The following RALYL variants were observed in gnomAD, a reference collection of about 807,000 sequenced individuals.
RALYL encodes the protein RNA-binding Raly-like protein.
In RALYL, 29 loss-of-function variants were observed where a neutral mutation model predicts 35.1. The observed-to-expected ratio is 0.83, with a 90% CI of 0.61 to 1.13. The LOEUF (loss-of-function observed/expected upper bound fraction) is 1.13, where lower values mean the gene tolerates loss of function less well. Ranked by LOEUF, RALYL falls within the 50% of genes most tolerant of loss-of-function variation. The pLI, the probability that RALYL is intolerant of heterozygous loss-of-function variation, is 0.00. For missense variants in RALYL, 359 were observed against 360.4 expected, an observed-to-expected ratio of 1.00 and a Z score of 0.03; for synonymous variants, 120 against 127.6, an observed-to-expected ratio of 0.94 and a Z score of 0.40.
At chr8:84,427,997 A>C (rs2046690472) in intron 1 of RALYL, among the ~76,000 whole-genome samples, 3 of 151,854 alleles carry the variant, frequency 2.0e-5, no homozygotes, top group Admixed American at 6.6e-5. Context: ...CAGATTCCTT[A>C]CCTGTAAAAT....
At chr8:84,375,778 G>A (rs780526373) in intron 1 of RALYL, among the ~76,000 whole-genome samples, 2 of 151,748 alleles carry the variant, frequency 1.3e-5, no homozygotes, top group African/African-American at 4.8e-5. Context: ...GTCATCCAAC[G>A]AAGATTTTGA....
At chr8:84,728,849 C>A (rs868341072) in intron 2 of RALYL, among the ~76,000 whole-genome samples, 1 of 152,116 alleles carries the variant, frequency 6.6e-6, no homozygotes, top group African/African-American at 2.4e-5. Flanking sequence ...TGTTTTGGTA[C>A]CAGTACCATG....
Position 84,747,817 on chromosome 8 carries a change from A to G in RALYL, c.257-26762A>G, listed in dbSNP as rs184391662. Among the ~76,000 whole-genome samples, 160 of 152,080 alleles carry G rather than the reference A, an allele frequency of 1.1e-3. 1 individual carries two copies. Among genetic ancestry groups the G allele is most frequent in the Non-Finnish European group, 1.8e-3 (119 of 67,890 alleles). On this transcript the variant is annotated intron_variant, in intron 2 of 8. Transcript: ENST00000521268. The stretch of plus-strand genomic sequence containing the variant: ...TTTTAGACAGAATCTAAATCATGTG[A>G]TAGACATTTGTCACTTAATCACATA...
At chr8:84,822,721 T>TAACA (rs1828807884) in intron 4 of RALYL, among the ~76,000 whole-genome samples, 1 of 152,146 alleles carries the variant, frequency 6.6e-6, no homozygotes, top group Admixed American at 6.6e-5. Flanking sequence ...TAGACTTAAC[T>TAACA]AACAATATGT....
intron 1 of RALYL, among the ~76,000 whole-genome samples, chr8:84,450,687 T>G (rs970732250): frequency 6.6e-6 from 1 of 152,006 alleles, no homozygotes; most frequent in African/African-American, 2.4e-5. Context: ...TCTACTTGTA[T>G]TTCATGAAAA....
At chr8:84,478,762 A>C (rs1037542026) in intron 1 of RALYL, among the ~76,000 whole-genome samples, 6 of 151,880 alleles carry the variant, frequency 4.0e-5, no homozygotes, top group African/African-American at 1.2e-4. Context: ...GGCTGTCTTC[A>C]GATATTCTCT....
intron 1 of RALYL, among the ~76,000 whole-genome samples, chr8:84,283,052 T>G (rs1836914174): frequency 6.6e-6 from 1 of 152,030 alleles, no homozygotes; most frequent in African/African-American, 2.4e-5. Context: ...TCATTCCAGC[T>G]AGCTCCTTTT....
At chr8:84,219,842 G>A (rs1821751353) in intron 1 of RALYL, among the ~76,000 whole-genome samples, 1 of 151,346 alleles carries the variant, frequency 6.6e-6, no homozygotes, top group Non-Finnish European at 1.5e-5. Context: ...CCTCTTAAAA[G>A]GTAATGATAA....
At chr8:84,775,733 A>G (rs1021840627) in intron 3 of RALYL, among the ~76,000 whole-genome samples, 1 of 152,200 alleles carries the variant, frequency 6.6e-6, no homozygotes, top group Non-Finnish European at 1.5e-5. Flanking sequence ...CTATTATGTT[A>G]AGTAGAATTG....
At chr8:84,894,043 G>A (rs1844321211) in intron 8 of RALYL, among the ~76,000 whole-genome samples, 1 of 152,268 alleles carries the variant, frequency 6.6e-6, no homozygotes, top group Non-Finnish European at 1.5e-5. Flanking sequence ...ACTGGGGAAG[G>A]TCTGGACCTC....
intron 1 of RALYL, among the ~76,000 whole-genome samples, chr8:84,240,345 G>A (rs1002398429): frequency 6.6e-6 from 1 of 152,112 alleles, no homozygotes; most frequent in African/African-American, 2.4e-5. Flanking sequence ...GTCAATTGAG[G>A]TATTGCTGAT....
intron 4 of RALYL, among the ~76,000 whole-genome samples, chr8:84,836,046 C>T (rs1470398146): frequency 6.6e-6 from 1 of 152,070 alleles, no homozygotes; most frequent in African/African-American, 2.4e-5. Flanking sequence ...TATGCTGTTG[C>T]TGTTATTTTT....
chr8:84,624,442 C>T (rs757404985), intron 2 of RALYL, among the ~76,000 whole-genome samples: 5 of 152,288 alleles, frequency 3.3e-5, no homozygotes, highest in Non-Finnish European at 5.9e-5. Context: ...CATTCCTTGG[C>T]GCATGGCCCC....
rs529736658 is a variant in RALYL at position 84,887,527 on chromosome 8, G to A, written c.686-77G>A. The A allele has an allele frequency of 5.0e-5, 66 of 1,310,502 alleles. No homozygotes were observed. In the South Asian group the frequency reaches 8.9e-4, roughly 18 times the overall value. 81.2% of individuals were successfully genotyped at this position (1,310,502 alleles called of 1,614,324 possible). The stretch of plus-strand genomic sequence containing the variant: ...AGCATATAGCGTTTACCCTTTCATG[G>A]ACTGTTTTTTCATGGTTTATCCAAA... On this transcript the variant is annotated intron_variant, in intron 7 of 8. Transcript: ENST00000521268.
At position 84,426,438 on chromosome 8, in the gene RALYL, C is replaced by CTGTGTGTG. The variant is rs71271987; in HGVS notation, c.-23-102832_-23-102825dup. Reference sequence around the variant, plus strand: ...ACTCTTTTGCGTTCTCTCTCTCTCTCTGTGTGTGTGTGTGTGTGTGTGTGT... The same window carrying CTGTGTGTG: ...ACTCTTTTGCGTTCTCTCTCTCTCTCTGTGTGTGTGTGTGTGTGTGTGTGTGTGTGTGT... On this transcript the variant is annotated intron_variant, in intron 1 of 8. Coordinates refer to ENST00000521268, the MANE Select transcript of RALYL (RefSeq NM_173848.7). Among the ~76,000 whole-genome samples the CTGTGTGTG allele has an allele frequency of 3.6e-3, 495 of 136,092 alleles. 5 individuals carry two copies. The highest frequency in any genetic ancestry group is 8.4e-3 in the South Asian group (31 of 3,682). The allele number at this position is 136,092 out of a possible 152,430, so 89.3% of individuals were successfully genotyped here.
chr8:84,339,758 T>C lies in RALYL; in HGVS notation c.-24+155334T>C, dbSNP rs141874490. ...AAGCATAGGGATGTGACAGAAAAAT[T>C]TGCAGTAAGCTGAAATCGACCTATG... is the stretch of plus-strand genomic sequence containing the variant. On this transcript the variant is annotated intron_variant, in intron 1 of 8. Coordinates refer to ENST00000521268, the MANE Select transcript of RALYL (RefSeq NM_173848.7). Among the ~76,000 whole-genome samples the C allele has an allele frequency of 2.1e-3, 318 of 152,060 alleles. 5 individuals are homozygous for C. The highest frequency in any genetic ancestry group is 0.017 in the Admixed American group (252 of 15,258).
At chr8:84,312,682 A>G (rs548199368) in intron 1 of RALYL, among the ~76,000 whole-genome samples, 156 of 152,318 alleles carry the variant, frequency 1.0e-3, no homozygotes, top group Non-Finnish European at 2.0e-3. Context: ...TGCTGATGCA[A>G]AGGGTGGGCT....
At chr8:84,190,050 G>A (rs1586035028) in intron 1 of RALYL, among the ~76,000 whole-genome samples, 1 of 152,208 alleles carries the variant, frequency 6.6e-6, no homozygotes, top group Non-Finnish European at 1.5e-5. Context: ...GCTTTGCAGA[G>A]AGCCTGGGAA....
chr8:84,450,421 A>G (rs2049335267), intron 1 of RALYL, among the ~76,000 whole-genome samples: 1 of 151,928 alleles, frequency 6.6e-6, no homozygotes, highest in South Asian at 2.1e-4. Flanking sequence ...TCCAGGCTGC[A>G]TGGAAGCTAA....
Sources: allele counts gnomAD v4.1 joint callset (sites outside exome capture counted in the v4.1 genomes callset), GRCh38; gene constraint gnomAD v4.1.1; transcripts MANE v1.5; gene names NCBI Gene and HGNC (gene_info 2026-07-23, HGNC 2026-07-21).